ADGRG7: variants seen among roughly 807,000 people sequenced by gnomAD.
The protein encoded by ADGRG7 is G-protein coupled receptor 128.
Under a neutral mutation model 88.6 loss-of-function variants are expected in ADGRG7, and 82 were observed. The ratio of observed to expected loss-of-function variants is 0.93; its 90% CI spans 0.77 to 1.11. The LOEUF is 1.11. Ranked by LOEUF, ADGRG7 falls within the 50% of genes most tolerant of loss-of-function variation. The pLI, the probability that ADGRG7 is intolerant of heterozygous loss-of-function variation, is 0.00. For missense variants in ADGRG7, 945 were observed against 953.4 expected (o/e 0.99, Z 0.12); for synonymous variants, 381 against 345.2 (o/e 1.10, Z -1.15).
chr3:100,624,667 G>C (rs569382992), intron 1 of ADGRG7, among the ~76,000 whole-genome samples: 1 of 152,076 alleles, frequency 6.6e-6, no homozygotes, highest in African/African-American at 2.4e-5. Flanking sequence ...TTATGGTTTT[G>C]AGTTTTACAT....
chr3:100,665,950 T>C (rs914918653), intron 14 of ADGRG7, among the ~76,000 whole-genome samples: 1 of 152,106 alleles, frequency 6.6e-6, no homozygotes, highest in African/African-American at 2.4e-5. Flanking sequence ...CAAAACTTAA[T>C]GGTGAAAAAT....
intron 13 of ADGRG7, among the ~76,000 whole-genome samples, chr3:100,656,878 T>TTGA (rs2094938457): frequency 6.6e-6 from 1 of 152,250 alleles, no homozygotes; most frequent in East Asian, 1.9e-4. Context: ...GATACTACGT[T>TTGA]TGATTATGGT....
intron 1 of ADGRG7, among the ~76,000 whole-genome samples, chr3:100,627,960 C>G (rs1366555711): frequency 6.6e-6 from 1 of 152,104 alleles, no homozygotes; most frequent in Non-Finnish European, 1.5e-5. Flanking sequence ...TCTTGAAGCT[C>G]TGTTTATTTT....
At chr3:100,613,930 C>T (rs1375676884) in intron 1 of ADGRG7, among the ~76,000 whole-genome samples, 1 of 152,132 alleles carries the variant, frequency 6.6e-6, no homozygotes, top group African/African-American at 2.4e-5. Flanking sequence ...CCCTCACTAG[C>T]TTTGAGCAAA....
intron 1 of ADGRG7, among the ~76,000 whole-genome samples, chr3:100,612,451 C>A (rs1231487293): frequency 2.0e-5 from 3 of 152,268 alleles, no homozygotes; most frequent in Middle Eastern, 3.4e-3. Context: ...TAGAAAAACA[C>A]AAGAAGCAGT....
chr3:100,682,958 G>A (rs1335351832), intron 15 of ADGRG7, among the ~76,000 whole-genome samples: 1 of 152,128 alleles, frequency 6.6e-6, no homozygotes, highest in African/African-American at 2.4e-5. Context: ...ACAGGCTTTT[G>A]GGTGGAAGGG....
intron 1 of ADGRG7, among the ~76,000 whole-genome samples, chr3:100,623,607 G>A (rs559389658): frequency 3.9e-5 from 6 of 152,188 alleles, no homozygotes; most frequent in Admixed American, 1.3e-4. Context: ...ATAGGTATAC[G>A]TGTGCGCTGG....
intron 15 of ADGRG7, among the ~76,000 whole-genome samples, chr3:100,678,899 G>C (rs531697045): frequency 6.6e-6 from 1 of 152,220 alleles, no homozygotes; most frequent in Non-Finnish European, 1.5e-5. Flanking sequence ...ACTGCGCTGG[G>C]TCAGAACTAC....
chr3:100,665,472 C>T (rs1192169976), intron 14 of ADGRG7: 6 of 528,820 alleles, frequency 1.1e-5, no homozygotes, highest in Admixed American at 3.9e-5. Context: ...CAAAGACTCA[C>T]TCATTTCCTT....
intron 1 of ADGRG7, among the ~76,000 whole-genome samples, chr3:100,616,909 T>C (rs1395965606): frequency 6.6e-6 from 1 of 152,078 alleles, no homozygotes; most frequent in Non-Finnish European, 1.5e-5. Flanking sequence ...GAAACTGTAA[T>C]TCAACACAGT....
At chr3:100,644,233 C>T (rs1464441369) in intron 8 of ADGRG7, among the ~76,000 whole-genome samples, 2 of 151,730 alleles carry the variant, frequency 1.3e-5, no homozygotes, top group African/African-American at 2.4e-5. Flanking sequence ...CTTTTCATTT[C>T]TCCCCAAGCA....
intron 11 of ADGRG7, among the ~76,000 whole-genome samples, chr3:100,650,167 A>C (rs1035105896): frequency 6.6e-6 from 1 of 152,232 alleles, no homozygotes; most frequent in Non-Finnish European, 1.5e-5. Context: ...TTTTTTAAAA[A>C]AGTAATTTAA....
At position 100,643,638 on chromosome 3, in the gene ADGRG7, G is replaced by A; in HGVS notation, c.946+5G>A. ...TCTTGCTTAATATGACGAAAAGTAA[G>A]TCTCAAACTTTGTGACATTTAAAAA... On this transcript the variant is annotated splice_donor_5th_base_variant and intron_variant, in intron 8 of 15. Coordinates refer to ENST00000273352, the MANE Select transcript of ADGRG7 (RefSeq NM_032787.3). 1.3e-6 allele frequency: 2 copies of A among 1,594,466 alleles called. No homozygotes were observed. The highest frequency in any genetic ancestry group is 8.6e-7 in the Non-Finnish European group (1 of 1,165,336).
rs1415102981 is a variant in ADGRG7, at chr3:100,643,623, T to C, written c.936T>C (p.Asn312=). ...DAQTELQVLL[N]MTKNYTKTCG... ...AGACTGAGCTTCAGGTCTTGCTTAA[T>C]ATGACGAAAAGTAAGTCTCAAACTT... The change falls in exon 8 of 16, where the codon AAT becomes AAC. Residue 312 remains asparagine, a synonymous_variant. Transcript: ENST00000273352. 6.2e-7 allele frequency: 1 copy of C among 1,610,814 alleles called. No homozygotes were observed. The highest frequency in any genetic ancestry group is 1.3e-5 in the African/African-American group (1 of 74,778).
chr3:100,634,823 A>T (rs1207001272), intron 4 of ADGRG7, among the ~76,000 whole-genome samples: 1 of 152,212 alleles, frequency 6.6e-6, no homozygotes, highest in African/African-American at 2.4e-5. Context: ...ATTAAATGTG[A>T]TAACACCTGT....
chr3:100,688,866 G>T (rs1158624101), intron 15 of ADGRG7, among the ~76,000 whole-genome samples: 1 of 152,178 alleles, frequency 6.6e-6, no homozygotes, highest in East Asian at 1.9e-4. Flanking sequence ...GATTTGGGGT[G>T]GAGAGTTCTG....
chr3:100,620,893 C>T (rs1576312452), intron 1 of ADGRG7, among the ~76,000 whole-genome samples: 2 of 151,536 alleles, frequency 1.3e-5, no homozygotes, highest in East Asian at 3.9e-4. Context: ...GTCTGTTGGT[C>T]CCATTTTTCC....
intron 5 of ADGRG7, 64 bp downstream of exon 5, chr3:100,635,890 AAGAG>A: frequency 8.2e-7 from 1 of 1,212,438 alleles, no homozygotes; most frequent in Non-Finnish European, 1.2e-6. Flanking sequence ...TTGGGAAAGA[AAGAG>A]AGATGTCCTG....
intron 15 of ADGRG7, among the ~76,000 whole-genome samples, chr3:100,683,259 A>G (rs1177352654): frequency 6.6e-6 from 1 of 152,214 alleles, no homozygotes; most frequent in East Asian, 1.9e-4. Flanking sequence ...CAAACAGGGC[A>G]GGGCTGAAAC....
Sources: gnomAD v4.1 joint callset for allele counts (sites outside exome capture counted in the v4.1 genomes callset) on GRCh38, gnomAD v4.1.1 for gene constraint, MANE v1.5 for transcripts, NCBI Gene and HGNC (gene_info 2026-07-23, HGNC 2026-07-21) for gene names.